Variants in PTPRQ observed in about 807,000 individuals in gnomAD.
The protein encoded by PTPRQ is phosphatidylinositol phosphatase PTPRQ.
PTPRQ carries 199 observed loss-of-function variants against 246.0 expected under a neutral mutation model. The observed-to-expected ratio is 0.81, with a 90% CI of 0.72 to 0.91. The LOEUF (loss-of-function observed/expected upper bound fraction) is 0.91. Ranked by LOEUF, PTPRQ falls within the 40% of genes least tolerant of loss-of-function variation. The pLI, the probability that PTPRQ is intolerant of heterozygous loss-of-function variation, is 0.00. For missense variants in PTPRQ, 2,624 were observed against 2,528.4 expected, an observed-to-expected ratio of 1.04 and a Z score of -0.81; for synonymous variants, 869 against 853.2, an observed-to-expected ratio of 1.02 and a Z score of -0.32.
intron 25 of PTPRQ, among the ~76,000 whole-genome samples, chr12:80,578,323 T>C (rs564249891): frequency 2.2e-4 from 33 of 149,684 alleles, no homozygotes; most frequent in Non-Finnish European, 4.3e-4. Flanking sequence ...ATGGGGTGTT[T>C]GGTTTTTAAA....
intron 29 of PTPRQ, among the ~76,000 whole-genome samples, chr12:80,615,062 G>A (rs17006986): frequency 0.18 from 27,339 of 150,854 alleles, 4,148 homozygotes; most frequent in African/African-American, 0.41. Flanking sequence ...CAAGGTGTGC[G>A]AATGACTTCT....
chr12:80,677,304 C>T (rs1318088976), intron 43 of PTPRQ, among the ~76,000 whole-genome samples: 2 of 152,224 alleles, frequency 1.3e-5, no homozygotes, highest in South Asian at 4.1e-4. Context: ...CTTGGAATTA[C>T]CTCGAGAAGT....
Position 80,496,256 on chromosome 12 carries a change from A to C in PTPRQ, c.1997A>C (p.Glu666Ala). ...IFVRTSEDEP[E>A]SSPQDVEVID... The stretch of plus-strand genomic sequence containing the variant: ...TGTTCTTTTCTTCCCCTAGAACCGG[A>C]ATCATCACCTCAAGATGTCGAAGTA... Residue 666 changes from glutamate (E) to alanine (A), a missense_variant, in exon 14 of 45, where the codon GAA (glutamate) becomes GCA (alanine). Coordinates refer to ENST00000644991, the MANE Select transcript of PTPRQ (RefSeq NM_001145026.2). 1 of 1,549,930 alleles carries C rather than the reference A, an allele frequency of 6.5e-7. No individual in the cohort carries two copies. Among genetic ancestry groups the C allele is most frequent in the Non-Finnish European group, 8.7e-7 (1 of 1,146,314 alleles).
chr12:80,671,019 T>A (rs372394838), intron 42 of PTPRQ, among the ~76,000 whole-genome samples: 4 of 152,184 alleles, frequency 2.6e-5, no homozygotes, highest in South Asian at 4.2e-4. Flanking sequence ...AACAATAACT[T>A]TTAATATTTT....
At chr12:80,482,751 T>A (rs1294157092) in intron 8 of PTPRQ, among the ~76,000 whole-genome samples, 1 of 151,336 alleles carries the variant, frequency 6.6e-6, no homozygotes, top group East Asian at 1.9e-4. Context: ...AAGACATTTA[T>A]GCAGCCAAAA....
At position 80,551,203 on chromosome 12, in the gene PTPRQ, G is replaced by A. The variant is rs1826472222; in HGVS notation, c.4285+1469G>A. On this transcript the variant is annotated intron_variant, in intron 25 of 44. Coordinates refer to ENST00000644991, the MANE Select transcript of PTPRQ (RefSeq NM_001145026.2). ...TCCAAATATATATGAAATGGAATTT[G>A]TGTTACATGAAATCACTGTCTTTTT... Among the ~76,000 whole-genome samples, 3 of 152,090 alleles carry A rather than the reference G, an allele frequency of 2.0e-5. No homozygotes were observed. In the South Asian group the frequency reaches 6.2e-4, roughly 31 times the overall value.
intron 25 of PTPRQ, among the ~76,000 whole-genome samples, chr12:80,584,828 T>C (rs1897558273): frequency 6.6e-6 from 1 of 152,160 alleles, no homozygotes; most frequent in Admixed American, 6.6e-5. Context: ...ATTTAGTGAC[T>C]GAGGCATTTG....
intron 38 of PTPRQ, among the ~76,000 whole-genome samples, chr12:80,654,573 C>T (rs186558006): frequency 9.8e-4 from 149 of 151,858 alleles, no homozygotes; most frequent in East Asian, 1.9e-3. Context: ...AATGGCCTGG[C>T]GCGGTGGCTC....
chr12:80,460,531 C>G, intron 5 of PTPRQ, 122 bp from the exon 6 acceptor site: 1 of 394,500 alleles, frequency 2.5e-6, no homozygotes, highest in South Asian at 1.4e-4. Flanking sequence ...TTGTCTATAA[C>G]TTTTGCATGT....
intron 43 of PTPRQ, among the ~76,000 whole-genome samples, chr12:80,678,227 T>C (rs111866946): frequency 6.6e-5 from 10 of 152,350 alleles, no homozygotes; most frequent in African/African-American, 2.4e-4. Context: ...TTAGCATTTG[T>C]ATTCCAACAG....
chr12:80,524,713 C>A (rs1389161479), intron 17 of PTPRQ, among the ~76,000 whole-genome samples: 1 of 151,724 alleles, frequency 6.6e-6, no homozygotes, highest in Non-Finnish European at 1.5e-5. Context: ...ATATTTTTTT[C>A]TTTTTTCAAA....
At chr12:80,595,336 A>C (rs944285405) in intron 26 of PTPRQ, among the ~76,000 whole-genome samples, 3 of 152,032 alleles carry the variant, frequency 2.0e-5, no homozygotes, top group African/African-American at 7.2e-5. Flanking sequence ...TTTTAATCTA[A>C]GATTTGTTAT....
At chr12:80,490,093 A>G (rs1659652137) in intron 9 of PTPRQ, among the ~76,000 whole-genome samples, 1 of 151,970 alleles carries the variant, frequency 6.6e-6, no homozygotes, top group South Asian at 2.1e-4. Context: ...TTTATTCAGC[A>G]TTAGGAACAT....
chr12:80,661,342 T>C (rs1057458074), intron 39 of PTPRQ, among the ~76,000 whole-genome samples: 1 of 149,338 alleles, frequency 6.7e-6, no homozygotes, highest in African/African-American at 2.4e-5. Context: ...ATACATTTTG[T>C]ATGTATGTAT....
At chr12:80,545,665 G>T (rs1178179021) in intron 23 of PTPRQ, among the ~76,000 whole-genome samples, 1 of 151,198 alleles carries the variant, frequency 6.6e-6, no homozygotes, top group Non-Finnish European at 1.5e-5. Flanking sequence ...TCTAAAAACA[G>T]TGTCAAATTA....
At chr12:80,678,461 C>T in intron 43 of PTPRQ, 141 bp from the exon 44 acceptor site, 1 of 1,094,604 alleles carries the variant, frequency 9.1e-7, no homozygotes, top group Non-Finnish European at 1.2e-6. Context: ...AAAATCATAT[C>T]TATACTATGA....
intron 1 of PTPRQ, 141 bp from the exon 2 acceptor site, chr12:80,444,600 A>G (rs754373298): frequency 1.4e-6 from 1 of 712,296 alleles, no homozygotes; most frequent in Non-Finnish European, 2.4e-6. Context: ...ATCTTACAAT[A>G]ATATGGAACT....
chr12:80,506,867 A>G (rs1178690250), intron 16 of PTPRQ, among the ~76,000 whole-genome samples, 197 bp downstream of exon 16: 1 of 151,996 alleles, frequency 6.6e-6, no homozygotes, highest in Admixed American at 6.6e-5. Flanking sequence ...AATCAGGCAT[A>G]AAATGTTTTT....
At chr12:80,539,670 A>G in intron 19 of PTPRQ, 106 bp from the exon 20 acceptor site, 1 of 953,846 alleles carries the variant, frequency 1.0e-6, no homozygotes. Flanking sequence ...ACAACATATT[A>G]AAATAATGAT....
Sources: gnomAD v4.1 joint callset for allele counts (sites outside exome capture counted in the v4.1 genomes callset) on GRCh38, gnomAD v4.1.1 for gene constraint, MANE v1.5 for transcripts, NCBI Gene and HGNC (gene_info 2026-07-23, HGNC 2026-07-21) for gene names.